Variants in CNTN5 observed in about 807,000 individuals in gnomAD.
The protein encoded by CNTN5 is contactin-5.
A neutral mutation model predicts 129.1 loss-of-function variants in CNTN5; 77 were observed. The observed-to-expected ratio is 0.60, with a 90% CI of 0.50 to 0.72. CNTN5 has a LOEUF of 0.72. Among genes scored for constraint, CNTN5 ranks in the 30% least tolerant of loss-of-function variants. The pLI is 0.00. For synonymous variants in CNTN5, 509 were observed against 465.6 expected (o/e 1.09, Z -1.20); for missense variants, 1,478 against 1,328.8 (o/e 1.11, Z -1.75).
At chr11:100,182,804 A>C (rs1948176815) in intron 13 of CNTN5, among the ~76,000 whole-genome samples, 3 of 152,042 alleles carry the variant, frequency 2.0e-5, no homozygotes. Context: ...AAACTTCAAC[A>C]TGAGGAATTT....
At chr11:99,846,767 A>C (rs76026038) in intron 6 of CNTN5, among the ~76,000 whole-genome samples, 1 of 152,188 alleles carries the variant, frequency 6.6e-6, no homozygotes. Context: ...AAAGGAAAGA[A>C]TAAAGAATTG....
intron 2 of CNTN5, among the ~76,000 whole-genome samples, chr11:99,415,432 G>A (rs1942612153): frequency 6.6e-6 from 1 of 152,100 alleles, no homozygotes; most frequent in African/African-American, 2.4e-5. Context: ...CTTCCTTCTG[G>A]GTATGGGGCA....
In CNTN5 at chr11:99,569,064, C is replaced by A. The variant is rs549047699; in HGVS notation, c.55+12795C>A. On this transcript the variant is annotated intron_variant, in intron 3 of 24. Transcript: ENST00000524871. ...AACCTCTCTGTGGCTCTAGGGTATGCTGGACCATCTGAATGGTCCAGATCA... is the reference window on the plus strand; with the variant it reads ...AACCTCTCTGTGGCTCTAGGGTATGATGGACCATCTGAATGGTCCAGATCA... Among the ~76,000 whole-genome samples the A allele has an allele frequency of 2.0e-5, 3 of 152,176 alleles. No individual in the cohort carries two copies. The East Asian group carries it at 5.8e-4, about 30-fold the overall frequency.
chr11:99,381,966 C>T (rs1308091589), intron 2 of CNTN5, among the ~76,000 whole-genome samples: 1 of 135,834 alleles, frequency 7.4e-6, no homozygotes, highest in South Asian at 2.5e-4. Flanking sequence ...AGAGAAAAAT[C>T]GTAGTCTCCC....
chr11:99,764,790 C>A (rs1181054835), intron 3 of CNTN5, among the ~76,000 whole-genome samples: 4 of 152,128 alleles, frequency 2.6e-5, no homozygotes, highest in African/African-American at 9.7e-5. Flanking sequence ...GTATTTTACA[C>A]CTATAGATCA....
chr11:100,285,495 T>C (rs1280675547), intron 18 of CNTN5, among the ~76,000 whole-genome samples: 1 of 152,186 alleles, frequency 6.6e-6, no homozygotes, highest in African/African-American at 2.4e-5. Flanking sequence ...CCATGATGCC[T>C]TTTCATCTTA....
At chr11:100,040,987 C>A (rs1942346418) in intron 9 of CNTN5, among the ~76,000 whole-genome samples, 1 of 152,170 alleles carries the variant, frequency 6.6e-6, no homozygotes, top group Non-Finnish European at 1.5e-5. Context: ...CACTGTCCTG[C>A]ACCTACTCTC....
chr11:99,255,488 A>G (rs536226553), intron 1 of CNTN5, among the ~76,000 whole-genome samples: 2 of 150,202 alleles, frequency 1.3e-5, no homozygotes, highest in Admixed American at 6.6e-5. Context: ...CACTAATATA[A>G]TTAATAAATT....
intron 4 of CNTN5, among the ~76,000 whole-genome samples, chr11:99,825,792 T>C (rs1946935276): frequency 6.6e-6 from 1 of 152,136 alleles, no homozygotes; most frequent in South Asian, 2.1e-4. Context: ...CTGTGGAAGT[T>C]ATTTTTTTCT....
chr11:100,009,217 T>A (rs1940372538), intron 9 of CNTN5, among the ~76,000 whole-genome samples: 1 of 152,108 alleles, frequency 6.6e-6, no homozygotes, highest in Non-Finnish European at 1.5e-5. Context: ...AATTCAGATG[T>A]TTTCTCTACA....
intron 2 of CNTN5, among the ~76,000 whole-genome samples, chr11:99,435,700 T>C (rs551333843): frequency 6.4e-4 from 97 of 152,334 alleles, no homozygotes; most frequent in African/African-American, 2.3e-3. Flanking sequence ...AAATATCCAG[T>C]ACTTGATATT....
intron 9 of CNTN5, among the ~76,000 whole-genome samples, chr11:100,037,910 A>C (rs1382634932): frequency 5.9e-5 from 9 of 152,002 alleles, no homozygotes; most frequent in Non-Finnish European, 1.2e-4. Context: ...TGATCTTTTC[A>C]AAAAACCAGC....
chr11:99,792,573 G>GTGTGTGTGTGTGTGTGTGTC lies in CNTN5; in HGVS notation c.56-26968_56-26967insGTGTGTGTGTGTGTGTCTGT, dbSNP rs34622017. Among the ~76,000 whole-genome samples, 312 of 116,642 alleles carry GTGTGTGTGTGTGTGTGTGTC rather than the reference G, an allele frequency of 2.7e-3. 1 individual carries two copies. The highest frequency in any genetic ancestry group is 5.4e-3 in the Admixed American group (61 of 11,198). The allele number at this position is 116,642 out of a possible 152,430, so 76.5% of individuals were successfully genotyped here. A position where few individuals can be genotyped will look rare whatever the true frequency, so the allele number is the denominator to read the frequency against. ...TGTGTGTGTGTGTGTGTGTGTGTGT[G>GTGTGTGTGTGTGTGTGTGTC]TGTCTGTCTGTCTGTCTGTCTGTCT... On this transcript the variant is annotated intron_variant, in intron 3 of 24. Transcript: ENST00000524871.
At chr11:99,170,471 C>T (rs556587410) in intron 1 of CNTN5, among the ~76,000 whole-genome samples, 1 of 152,196 alleles carries the variant, frequency 6.6e-6, no homozygotes, top group Admixed American at 6.5e-5. Flanking sequence ...TTTCTAAGGT[C>T]TAAATAAGTA....
chr11:99,363,896 T>C (rs1939284383), intron 2 of CNTN5, among the ~76,000 whole-genome samples: 1 of 152,106 alleles, frequency 6.6e-6, no homozygotes. Flanking sequence ...CTGTTTTCTT[T>C]CCTTGAGAAA....
At chr11:100,287,827 G>T (rs558715401) in intron 18 of CNTN5, among the ~76,000 whole-genome samples, 107 of 152,246 alleles carry the variant, frequency 7.0e-4, no homozygotes, top group African/African-American at 2.5e-3. Flanking sequence ...TAGATAAAGA[G>T]TCAAGACCCA....
chr11:99,352,872 C>T (rs1938393012), intron 2 of CNTN5, among the ~76,000 whole-genome samples: 1 of 152,162 alleles, frequency 6.6e-6, no homozygotes, highest in African/African-American at 2.4e-5. Context: ...TGCCAAGTGT[C>T]AACACCTGGC....
At chr11:99,598,336 C>G (rs1950199311) in intron 3 of CNTN5, among the ~76,000 whole-genome samples, 5 of 10,546 alleles carry the variant, frequency 4.7e-4, no homozygotes, top group African/African-American at 1.7e-3. Context: ...GTCCCTCTCT[C>G]TCTCTCTCTC....
intron 2 of CNTN5, among the ~76,000 whole-genome samples, chr11:99,494,306 C>A (rs1395177144): frequency 6.6e-6 from 1 of 152,124 alleles, no homozygotes; most frequent in Non-Finnish European, 1.5e-5. Context: ...AGTTGCAATA[C>A]CCTTTTACTT....
Sources: allele counts gnomAD v4.1 joint callset (sites outside exome capture counted in the v4.1 genomes callset), GRCh38; gene constraint gnomAD v4.1.1; transcripts MANE v1.5; gene names NCBI Gene and HGNC (gene_info 2026-07-23, HGNC 2026-07-21).